Variants in SLC9A7 observed in about 807,000 individuals in gnomAD.
The protein encoded by SLC9A7 is solute carrier family 9 member A7, also known as sodium/hydrogen exchanger 7.
SLC9A7 carries 19 observed loss-of-function variants against 52.6 expected under a neutral mutation model. That is an observed-to-expected ratio of 0.36 (90% CI 0.25 to 0.53). SLC9A7 has a LOEUF of 0.53. SLC9A7 is among the 20% of genes least tolerant of loss of function. The probability of loss-of-function intolerance (pLI) is 0.91; values close to 1 mark genes in which losing one functional copy is unlikely to be tolerated. For synonymous variants in SLC9A7, 226 were observed against 252.1 expected (o/e 0.90, Z 0.98); for missense variants, 455 against 597.9 (o/e 0.76, Z 2.49).
In SLC9A7 at chrX:46,606,927, A is replaced by G. The variant is rs755341873; in HGVS notation, c.*25T>C. On this transcript the variant is annotated 3_prime_UTR_variant, in exon 17 of 17. Transcript: ENST00000616978. ...CCTCACCCCATCGGGAGCCTACCCC[A>G]TCGCGCCAGGGCTTGGGGGGAAAGT... is the stretch of plus-strand genomic sequence containing the variant. The G allele has an allele frequency of 1.7e-6, 2 of 1,210,391 alleles. No homozygotes were observed. Among genetic ancestry groups the G allele is most frequent in the East Asian group, 3.0e-5 (1 of 33,808 alleles).
intron 1 of SLC9A7, among the ~76,000 whole-genome samples, chrX:46,699,064 C>T (rs768359811): frequency 9.8e-5 from 11 of 111,991 alleles, no homozygotes; most frequent in Non-Finnish European, 1.5e-4. Context: ...AGAGTTTGAC[C>T]TCCAATCCAA....
At chrX:46,662,892 C>T (rs760600423) in intron 5 of SLC9A7, among the ~76,000 whole-genome samples, 1 of 112,372 alleles carries the variant, frequency 8.9e-6, no homozygotes, top group South Asian at 3.7e-4. Flanking sequence ...CCACTGTGAT[C>T]CCATCACACT....
intron 1 of SLC9A7, among the ~76,000 whole-genome samples, chrX:46,717,864 T>A (rs1016241665): frequency 1.3e-4 from 14 of 111,339 alleles, no homozygotes; most frequent in African/African-American, 4.3e-4. Flanking sequence ...AAAATGGCCA[T>A]ACTGCCCAAG....
chrX:46,615,830 TTAGTC>T (rs1250654314), intron 15 of SLC9A7, among the ~76,000 whole-genome samples: 1 of 110,562 alleles, frequency 9.0e-6, no homozygotes, highest in Admixed American at 9.7e-5. Flanking sequence ...TTTATAAACT[TTAGTC>T]TGAGGCTTTT....
intron 1 of SLC9A7, among the ~76,000 whole-genome samples, chrX:46,732,445 CAGG>C (rs1206455530): frequency 1.8e-5 from 2 of 109,612 alleles, no homozygotes; most frequent in African/African-American, 6.6e-5. Flanking sequence ...CCCAGCTACT[CAGG>C]AGCCTGAGGC....
chrX:46,623,786 C>A (rs1419936690), intron 14 of SLC9A7, among the ~76,000 whole-genome samples: 1 of 111,791 alleles, frequency 8.9e-6, no homozygotes, highest in African/African-American at 3.3e-5. Context: ...CTCCTAAAAC[C>A]CTTGGAATTT....
intron 11 of SLC9A7, among the ~76,000 whole-genome samples, chrX:46,648,233 G>A (rs1045384491): frequency 1.8e-5 from 2 of 111,895 alleles, no homozygotes; most frequent in African/African-American, 6.5e-5. Context: ...TAGAGCTGGG[G>A]GACCTCAGCT....
chrX:46,608,612 G>T (rs1014325960), intron 16 of SLC9A7, among the ~76,000 whole-genome samples: 3 of 111,931 alleles, frequency 2.7e-5, no homozygotes, highest in African/African-American at 6.5e-5. Flanking sequence ...AGAAAGTCCC[G>T]AAACTCAATC....
In SLC9A7 at chrX:46,607,844, C is replaced by G. The variant is rs5906244; in HGVS notation, c.1930-641G>C. 7.9e-3 allele frequency among the ~76,000 whole-genome samples: 875 copies of G among 110,324 alleles called. 7 individuals are homozygous for G. Among genetic ancestry groups the G allele is most frequent in the African/African-American group, 0.028 (837 of 30,345 alleles). ...GGTAGCGAGAGTGTCGGAGACGGCA[C>G]GAGGTCAGACAGGACCTTCTTCCTC... On this transcript the variant is annotated intron_variant, in intron 16 of 16. Transcript: ENST00000616978.
At chrX:46,750,647 G>A (rs1922167993) in intron 1 of SLC9A7, among the ~76,000 whole-genome samples, 1 of 112,576 alleles carries the variant, frequency 8.9e-6, no homozygotes, top group Non-Finnish European at 1.9e-5. Flanking sequence ...ACCACACCCA[G>A]CCTGATCTTC....
intron 1 of SLC9A7, among the ~76,000 whole-genome samples, chrX:46,743,050 C>CA (rs1268864155): frequency 2.0e-3 from 178 of 88,979 alleles, no homozygotes; most frequent in Middle Eastern, 0.011. Flanking sequence ...GACCCCATCT[C>CA]AAAAAAAAAA....
chrX:46,633,336 TAAAAAAAAAAAAAAAAAAAAAAAA>T (rs397836432), intron 13 of SLC9A7, among the ~76,000 whole-genome samples: 664 of 8,110 alleles, frequency 0.082, 15 homozygotes, highest in South Asian at 0.31. Flanking sequence ...TTGCTGCTGC[TAAAAAAAAAAAAAAAAAAAAAAAA>T]AAAAAAAAAA....
intron 5 of SLC9A7, among the ~76,000 whole-genome samples, chrX:46,663,332 T>C (rs1386285377): frequency 1.0e-5 from 1 of 97,830 alleles, no homozygotes; most frequent in Non-Finnish European, 2.0e-5. Flanking sequence ...AAACTCTGTC[T>C]CAAAAACAGA....
At chrX:46,635,786 C>T (rs1022886526) in intron 12 of SLC9A7, 138 bp from the exon 13 acceptor site, 1 of 446,301 alleles carries the variant, frequency 2.2e-6, no homozygotes, top group Non-Finnish European at 3.8e-6. Context: ...CTTAAACTGT[C>T]CCCATCCTCT....
intron 1 of SLC9A7, among the ~76,000 whole-genome samples, chrX:46,728,085 A>G (rs1225557640): frequency 8.9e-6 from 1 of 112,071 alleles, no homozygotes; most frequent in Admixed American, 9.5e-5. Context: ...TGATATACAA[A>G]ATAGTTAACC....
chrX:46,673,467 A>G (rs1426548568), intron 3 of SLC9A7, among the ~76,000 whole-genome samples: 1 of 111,678 alleles, frequency 9.0e-6, no homozygotes, highest in Non-Finnish European at 1.9e-5. Flanking sequence ...GACGGAGGAA[A>G]TTCTGCCTGT....
At chrX:46,634,939 A>G (rs1943295452) in intron 13 of SLC9A7, among the ~76,000 whole-genome samples, 1 of 111,298 alleles carries the variant, frequency 9.0e-6, no homozygotes, top group African/African-American at 3.3e-5. Context: ...CAGAAAGGAA[A>G]GAAGAAACAT....
At chrX:46,680,348 CAAA>C (rs372898654) in intron 2 of SLC9A7, among the ~76,000 whole-genome samples, 3 of 64,560 alleles carry the variant, frequency 4.6e-5, no homozygotes, top group African/African-American at 1.1e-4. Context: ...GACTCCATCT[CAAA>C]AAAAAAAAAA....
In SLC9A7 at chrX:46,635,602, A is replaced by C. The variant is rs750280098; in HGVS notation, c.1663T>G (p.Trp555Gly). The part of the protein sequence containing the change: ...PSEEDQNEHH[W>G]QYFRVGVDPD... ...CCCTTGTGTCACCTGAAGTACTGCC[A>C]GTGGTGTTCATTCTGGTCCTCTTCG... is the stretch of plus-strand genomic sequence containing the variant. Residue 555 changes from tryptophan (W) to glycine (G), a missense_variant, in exon 13 of 17, where the codon TGG (tryptophan) becomes GGG (glycine). By Grantham distance (184) the Trp-to-Gly change is radical (BLOSUM62 -2). This residue lies in a region of SLC9A7 where 146 missense variants were observed against 160.5 expected (regional missense o/e 0.91). Transcript: ENST00000616978. The C allele has an allele frequency of 8.3e-7, 1 of 1,209,990 alleles. No homozygotes were observed. Among genetic ancestry groups the C allele is most frequent in the Non-Finnish European group, 1.1e-6 (1 of 894,084 alleles).
Sources: allele counts gnomAD v4.1 joint callset (sites outside exome capture counted in the v4.1 genomes callset), GRCh38; gene constraint gnomAD v4.1.1; regional missense constraint gnomAD v4.1.1; transcripts MANE v1.5; gene names NCBI Gene and HGNC (gene_info 2026-07-23, HGNC 2026-07-21).